Variants in RUNX1T1 observed in about 807,000 individuals in gnomAD.
RUNX1T1 encodes RUNX1 partner transcriptional co-repressor 1.
Under a neutral mutation model 62.8 loss-of-function variants are expected in RUNX1T1, and 4 were observed. The ratio of observed to expected loss-of-function variants is 0.06; its 90% confidence interval spans 0.03 to 0.15. The LOEUF (loss-of-function observed/expected upper bound fraction) is 0.15. Ranked by LOEUF, RUNX1T1 falls within the 10% of genes least tolerant of loss-of-function variation. RUNX1T1 has a pLI of 1.00. For missense variants in RUNX1T1, 508 were observed against 754.3 expected (o/e 0.67, Z 3.82); for synonymous variants, 291 against 286.0 (o/e 1.02, Z -0.18).
chr8:92,102,838 C>A (rs1486234843), upstream of RUNX1T1: 9 of 1,512,342 alleles, frequency 6.0e-6, no homozygotes, highest in Non-Finnish European at 7.9e-6. This position sits in a 1 kb window ranked among gnomAD's most constrained non-coding sequence, Gnocchi z 4.5. Context: ...GCCGGCCAAG[C>A]CCTACCGCGG....
chr8:92,028,885 A>G (rs1825742514), intron 1 of RUNX1T1, among the ~76,000 whole-genome samples: 2 of 152,222 alleles, frequency 1.3e-5, no homozygotes, highest in African/African-American at 4.8e-5. Context: ...CAAACAAAAA[A>G]CAAAAACAAG....
At chr8:91,983,360 T>C (rs1815844779) in intron 8 of RUNX1T1, among the ~76,000 whole-genome samples, 1 of 152,290 alleles carries the variant, frequency 6.6e-6, no homozygotes, top group African/African-American at 2.4e-5. Context: ...GTACAACACA[T>C]CAATCATGAA....
At chr8:92,103,083 C>T (rs1808447322), upstream of RUNX1T1, 1 of 455,436 alleles carries the variant, frequency 2.2e-6, no homozygotes, top group Admixed American at 4.5e-5. Context: ...AGAGAGCTGC[C>T]GTGCAAAAAG....
intron 1 of RUNX1T1, among the ~76,000 whole-genome samples, chr8:92,041,936 A>C (rs140020195): frequency 1.5e-3 from 230 of 151,218 alleles, no homozygotes; most frequent in African/African-American, 5.0e-3. Context: ...CCCATGCCTC[A>C]GCCTCCTGAA....
intron 1 of RUNX1T1, among the ~76,000 whole-genome samples, chr8:92,088,915 T>C (rs1443583516): frequency 6.6e-6 from 1 of 152,242 alleles, no homozygotes; most frequent in South Asian, 2.1e-4. Flanking sequence ...ACGAGTTCAC[T>C]GTATATATAC....
intron 2 of RUNX1T1, 95 bp downstream of exon 3, chr8:92,017,131 T>C (rs1327794100): frequency 5.4e-6 from 5 of 930,512 alleles, no homozygotes; most frequent in African/African-American, 3.3e-5. Context: ...AATACATTGA[T>C]GCTGAATTTT....
intron 8 of RUNX1T1, among the ~76,000 whole-genome samples, chr8:91,980,451 G>A (rs747242927): frequency 3.9e-5 from 6 of 152,116 alleles, no homozygotes; most frequent in Admixed American, 3.3e-4. Context: ...CTTGTATTAT[G>A]AATTAGGGTC....
chr8:92,007,967 CAAAAAAAAAAAA>C (rs34232877), intron 4 of RUNX1T1, among the ~76,000 whole-genome samples: 4 of 85,402 alleles, frequency 4.7e-5, no homozygotes, highest in East Asian at 4.4e-4. Context: ...GACTTTGTTT[CAAAAAAAAAAAA>C]AAAAAAAAGA....
In RUNX1T1 at chr8:91,959,432, G is replaced by C. The variant is rs1028213189; in HGVS notation, c.*810C>G. ...CTTACTTGTGTGTGTGTGTGTGTGT[G>C]TGTGTGTGTGTGTGTGTGTGTGTGT... is the stretch of plus-strand genomic sequence containing the variant. On this transcript the variant is annotated 3_prime_UTR_variant, in exon 11 of 11. Transcript: ENST00000396218. 541 of 98,518 alleles carry C rather than the reference G, an allele frequency of 5.5e-3. 27 individuals carry two copies. Among genetic ancestry groups the C allele is most frequent in the African/African-American group, 0.034 (442 of 13,112 alleles). 6.1% of individuals were successfully genotyped at this position (98,518 alleles called of 1,614,324 possible).
At chr8:92,071,626 A>T (rs1833684359) in intron 2 of RUNX1T1, among the ~76,000 whole-genome samples, 1 of 152,184 alleles carries the variant, frequency 6.6e-6, no homozygotes, top group South Asian at 2.1e-4. Flanking sequence ...GAAAGAAAGG[A>T]ACCCAGGGTT....
chr8:91,988,941 A>G (rs1265286420), intron 6 of RUNX1T1, among the ~76,000 whole-genome samples: 2 of 152,188 alleles, frequency 1.3e-5, no homozygotes, highest in Admixed American at 6.5e-5. Context: ...TATGTTTATT[A>G]ATTTCTCTAT....
At chr8:92,039,626 T>C (rs1047265457) in intron 1 of RUNX1T1, among the ~76,000 whole-genome samples, 7 of 152,226 alleles carry the variant, frequency 4.6e-5, no homozygotes, top group Non-Finnish European at 7.3e-5. Flanking sequence ...CACCTTGCCA[T>C]TGAGTATCTC....
At chr8:92,017,117 G>A in intron 2 of RUNX1T1, 109 bp downstream of exon 3, 1 of 820,460 alleles carries the variant, frequency 1.2e-6, no homozygotes, top group Non-Finnish European at 2.0e-6. Flanking sequence ...GTTCATTTCT[G>A]CATAATACAT....
chr8:92,005,188 G>T (rs1157807631), exon 5 of RUNX1T1: 2 of 1,613,956 alleles, frequency 1.2e-6, no homozygotes, highest in African/African-American at 2.7e-5. Context: ...AGGTGAGGTG[G>T]TGCTGGCATC....
rs1218501313 is a variant in RUNX1T1, at chr8:92,062,669, T to C, written c.-117A>G. On this transcript the variant is annotated 5_prime_UTR_variant, in exon 1 of 11. Coordinates refer to ENST00000396218, the Ensembl canonical transcript of RUNX1T1. ...CAGAGAGGAGGGCCATCAGAGGGGC[T>C]GGGGCGGCATCGCCGGAGGCAGGGT... is the stretch of plus-strand genomic sequence containing the variant. 5.6e-6 allele frequency: 9 copies of C among 1,594,798 alleles called. 1 individual carries two copies. In the African/African-American group the frequency reaches 8.0e-5, roughly 14 times the overall value.
intron 2 of RUNX1T1, among the ~76,000 whole-genome samples, chr8:92,072,191 C>T (rs79843856): frequency 1.3e-5 from 2 of 152,012 alleles, no homozygotes; most frequent in Admixed American, 1.3e-4. Context: ...AGAAGGCTCA[C>T]CAAGAAATAA....
chr8:92,059,246 G>A (rs1176175960), intron 1 of RUNX1T1, among the ~76,000 whole-genome samples: 2 of 152,166 alleles, frequency 1.3e-5, no homozygotes, highest in African/African-American at 4.8e-5. Context: ...AACTTGCAAA[G>A]TAAAATAGAG....
chr8:92,101,944 C>T (rs1479127576), upstream of RUNX1T1, among the ~76,000 whole-genome samples: 1 of 152,150 alleles, frequency 6.6e-6, no homozygotes, highest in Non-Finnish European at 1.5e-5. Context: ...GGCCCGGGGG[C>T]TTCACCAGAG....
intron 1 of RUNX1T1, among the ~76,000 whole-genome samples, chr8:92,025,313 TAGAA>T (rs1824932260): frequency 6.6e-6 from 1 of 152,208 alleles, no homozygotes. Flanking sequence ...TAACAGGACA[TAGAA>T]AGACCTTTGT....
Sources: gnomAD v4.1 joint callset for allele counts (sites outside exome capture counted in the v4.1 genomes callset) on GRCh38, gnomAD v4.1.1 for gene constraint, Gnocchi (gnomAD v3.1) non-coding constraint, MANE v1.5 for transcripts, NCBI Gene and HGNC (gene_info 2026-07-23, HGNC 2026-07-21) for gene names.